FRY: variants seen among roughly 807,000 people sequenced by gnomAD.
FRY encodes FRY microtubule binding protein.
In FRY, 128 loss-of-function variants were observed where a neutral mutation model predicts 348.4. That is an observed-to-expected ratio of 0.37 (90% CI 0.32 to 0.43). The LOEUF (loss-of-function observed/expected upper bound fraction) is 0.43, where lower values mean the gene tolerates loss of function less well. FRY is among the 20% of genes least tolerant of loss of function. The pLI is 1.00. For missense variants in FRY, 2,736 were observed against 3,695.2 expected (o/e 0.74, Z 6.73); for synonymous variants, 1,370 against 1,374.7 (o/e 1.00, Z 0.08).
chr13:32,217,493 T>A (rs1464873786), intron 35 of FRY, among the ~76,000 whole-genome samples: 1 of 152,198 alleles, frequency 6.6e-6, no homozygotes, highest in African/African-American at 2.4e-5. Context: ...TCCTTTCTTT[T>A]GTTCCCCCAA....
At chr13:32,247,610 A>G in intron 48 of FRY, 108 bp downstream of exon 48, 1 of 913,454 alleles carries the variant, frequency 1.1e-6, no homozygotes, top group Non-Finnish European at 1.8e-6. Flanking sequence ...AGTTATTTCA[A>G]ATGAAGATTT....
intron 29 of FRY, among the ~76,000 whole-genome samples, chr13:32,196,242 A>G (rs1883670118): frequency 6.6e-6 from 1 of 152,224 alleles, no homozygotes; most frequent in Non-Finnish European, 1.5e-5. Context: ...GTCATTTTCT[A>G]AAGCAAAGAA....
chr13:32,081,737 G>A (rs1431944294), intron 2 of FRY, among the ~76,000 whole-genome samples: 1 of 152,124 alleles, frequency 6.6e-6, no homozygotes, highest in Non-Finnish European at 1.5e-5. Context: ...CCTACTTGTA[G>A]GCCAGCAAAT....
At chr13:32,214,227 T>G (rs1884848605) in intron 35 of FRY, among the ~76,000 whole-genome samples, 1 of 152,204 alleles carries the variant, frequency 6.6e-6, no homozygotes. Context: ...CTTATCACCC[T>G]TCCTTCCTTG....
intron 48 of FRY, among the ~76,000 whole-genome samples, chr13:32,248,531 TA>T (rs11375460): frequency 5.4e-5 from 8 of 148,504 alleles, no homozygotes; most frequent in South Asian, 2.1e-4. Context: ...TAAAGTATAT[TA>T]AAAAAAAAAG....
At position 32,239,985 on chromosome 13, in the gene FRY, T is replaced by A. The variant is rs990409082; in HGVS notation, c.6687+104T>A. The A allele has an allele frequency of 9.4e-6, 9 of 952,604 alleles. No individual in the cohort carries two copies. In the African/African-American group the frequency reaches 1.3e-4, roughly 14 times the overall value. 59.0% of individuals were successfully genotyped at this position (952,604 alleles called of 1,614,324 possible). A position where few individuals can be genotyped will look rare whatever the true frequency, so the allele number is the denominator to read the frequency against. The stretch of plus-strand genomic sequence containing the variant: ...GTCCTCCTGCCTTCGCCTCCCAGAG[T>A]GCTAGGATTACAGGCGTGGGCCACC... On this transcript the variant is annotated intron_variant, in intron 46 of 60. Coordinates refer to ENST00000542859, the MANE Select transcript of FRY (RefSeq NM_023037.3). This position sits in a 1 kb window ranked among gnomAD's most constrained non-coding sequence, Gnocchi z 4.3.
At chr13:32,260,039 G>C (rs922078382) in intron 51 of FRY, among the ~76,000 whole-genome samples, 7 of 152,130 alleles carry the variant, frequency 4.6e-5, no homozygotes, top group Admixed American at 2.0e-4. Flanking sequence ...ATTTGTGCCT[G>C]TTGCCTTCTA....
rs1881413773 is a variant in FRY at position 32,161,019 on chromosome 13, T to C, written c.1785-125T>C. The C allele has an allele frequency of 7.0e-6, 5 of 714,852 alleles. No homozygotes were observed. The Admixed American group carries it at 1.0e-4, about 15-fold the overall frequency. The allele number at this position is 714,852 out of a possible 1,614,324, so 44.3% of individuals were successfully genotyped here. On this transcript the variant is annotated intron_variant, in intron 16 of 60. Transcript: ENST00000542859. The stretch of plus-strand genomic sequence containing the variant: ...AGGGCATAAACATTTGAGAGTAATA[T>C]GGAGCTAACACCAGGCTGTGACTCA...
Position 32,234,436 on chromosome 13 carries a change from A to T in FRY, c.5528-138A>T, listed in dbSNP as rs1004588469. 4 of 791,926 alleles carry T rather than the reference A, an allele frequency of 5.1e-6. No homozygotes were observed. In the African/African-American group the frequency reaches 6.8e-5, roughly 14 times the overall value. 49.1% of individuals were successfully genotyped at this position (791,926 alleles called of 1,614,324 possible). A position where few individuals can be genotyped will look rare whatever the true frequency, so the allele number is the denominator to read the frequency against. Reference sequence around the variant, plus strand: ...AGACCCTGTCTCAAAAAGAGAAAAAAAAAATGGTTGACTTGTAAATAAGTA... The same window carrying T: ...AGACCCTGTCTCAAAAAGAGAAAAATAAAATGGTTGACTTGTAAATAAGTA... On this transcript the variant is annotated intron_variant, in intron 41 of 60. Transcript: ENST00000542859.
chr13:32,033,776 A>G (rs923114578), intron 1 of FRY, among the ~76,000 whole-genome samples: 2 of 152,222 alleles, frequency 1.3e-5, no homozygotes, highest in Admixed American at 1.3e-4. Context: ...GCTTTCCAGC[A>G]TTCTTTTGAG....
intron 1 of FRY, among the ~76,000 whole-genome samples, chr13:32,063,774 C>A (rs1433596183): frequency 6.6e-6 from 1 of 152,212 alleles, no homozygotes; most frequent in East Asian, 1.9e-4. Context: ...GCAGAAATGA[C>A]ATACTGTCAT....
intron 53 of FRY, among the ~76,000 whole-genome samples, chr13:32,265,246 T>C (rs550736675): frequency 6.6e-6 from 1 of 152,266 alleles, no homozygotes; most frequent in Admixed American, 6.5e-5. Flanking sequence ...TGGAAGAGAT[T>C]GAAAAGAAGA....
rs180888608 is a variant in FRY at position 32,284,844 on chromosome 13, G to C, written c.8470-4789G>C. 3.7e-3 allele frequency among the ~76,000 whole-genome samples: 560 copies of C among 152,268 alleles called. 4 individuals carry two copies. The highest frequency in any genetic ancestry group is 0.012 in the African/African-American group (499 of 41,550). ...CTTCTCTCATATCAAAAGTTTCTTA[G>C]ATTTTTACTGACTGGTTATGTCATA... is the stretch of plus-strand genomic sequence containing the variant. On this transcript the variant is annotated intron_variant, in intron 58 of 60. Transcript: ENST00000542859.
intron 7 of FRY, among the ~76,000 whole-genome samples, 175 bp downstream of exon 7, chr13:32,125,050 C>CT (rs1878938673): frequency 6.6e-6 from 1 of 152,186 alleles, no homozygotes; most frequent in South Asian, 2.1e-4. Context: ...TATCAATTAT[C>CT]TTTTTTACTT....
intron 42 of FRY, among the ~76,000 whole-genome samples, chr13:32,235,578 G>A (rs1287282371): frequency 2.0e-5 from 3 of 152,162 alleles, no homozygotes; most frequent in South Asian, 2.1e-4. Context: ...AACCCAAATC[G>A]TGCCATTGTA....
chr13:32,198,115 A>G (rs554596639), intron 29 of FRY, among the ~76,000 whole-genome samples: 13 of 152,198 alleles, frequency 8.5e-5, no homozygotes, highest in African/African-American at 2.9e-4. Flanking sequence ...TGGATCTGTT[A>G]TTCCTTTCAG....
chr13:32,117,279 T>C (rs1878356965), intron 3 of FRY, 55 bp from the exon 4 acceptor site: 2 of 1,566,054 alleles, frequency 1.3e-6, no homozygotes, highest in African/African-American at 2.7e-5. Context: ...ATAAAAAGTT[T>C]CTCAGTAATT....
intron 1 of FRY, among the ~76,000 whole-genome samples, chr13:32,075,389 A>T (rs1167936743): frequency 6.6e-6 from 1 of 152,178 alleles, no homozygotes; most frequent in African/African-American, 2.4e-5. Flanking sequence ...TTTCTAAATT[A>T]TGCAATTTTG....
chr13:32,108,010 CACTT>C lies in FRY; in HGVS notation c.324+5998_324+6001del, dbSNP rs1033005637. The stretch of plus-strand genomic sequence containing the variant: ...TCTGGTAATAAAGTAATTTAGCAAA[CACTT>C]ACTGTGCATGTGTATATGTATATAC... On this transcript the variant is annotated intron_variant, in intron 3 of 60. Transcript: ENST00000542859. Among the ~76,000 whole-genome samples, 9 of 152,264 alleles carry C rather than the reference CACTT, an allele frequency of 5.9e-5. No individual in the cohort carries two copies. The East Asian group carries it at 7.7e-4, about 13-fold the overall frequency.
Sources: gnomAD v4.1 joint callset for allele counts (sites outside exome capture counted in the v4.1 genomes callset) on GRCh38, gnomAD v4.1.1 for gene constraint, Gnocchi (gnomAD v3.1) non-coding constraint, MANE v1.5 for transcripts, NCBI Gene and HGNC (gene_info 2026-07-23, HGNC 2026-07-21) for gene names.